KIF16B: variants seen among roughly 807,000 people sequenced by gnomAD.
KIF16B encodes kinesin-like protein KIF16B.
KIF16B carries 98 observed loss-of-function variants against 156.3 expected under a neutral mutation model. The observed-to-expected ratio is 0.63, with a 90% CI of 0.53 to 0.74. The LOEUF (loss-of-function observed/expected upper bound fraction) is 0.74. KIF16B is among the 30% of genes least tolerant of loss of function. The pLI is 0.00. For synonymous variants in KIF16B, 564 were observed against 583.7 expected, an observed-to-expected ratio of 0.97 and a Z score of 0.49; for missense variants, 1,421 against 1,606.5, an observed-to-expected ratio of 0.88 and a Z score of 1.97.
chr20:16,481,794 G>C (rs1399310346), intron 12 of KIF16B, among the ~76,000 whole-genome samples: 2 of 152,180 alleles, frequency 1.3e-5, no homozygotes, highest in African/African-American at 4.8e-5. Context: ...ACTTAGGAAG[G>C]CTGGTTTTAG....
intron 9 of KIF16B, 147 bp downstream of exon 9, chr20:16,505,575 G>C (rs2068749759): frequency 1.5e-6 from 1 of 668,230 alleles, no homozygotes; most frequent in African/African-American, 1.8e-5. Context: ...CAGGATCATA[G>C]GAGGTGATTT....
At chr20:16,341,730 C>T (rs2064142604) in intron 23 of KIF16B, among the ~76,000 whole-genome samples, 1 of 152,210 alleles carries the variant, frequency 6.6e-6, no homozygotes, top group African/African-American at 2.4e-5. Flanking sequence ...GGGCTGGGGC[C>T]CAGCAGTCTG....
rs577162345 is a variant in KIF16B at position 16,295,752 on chromosome 20, G to A, written c.3795+16583C>T. On this transcript the variant is annotated intron_variant, in intron 25 of 25. Coordinates refer to ENST00000354981, the MANE Select transcript of KIF16B (RefSeq NM_024704.5). ...CCATCCATTTATTTACACACAGGAC[G>A]AGGAGTGTACTGAAGAAGAGGAGAA... is the stretch of plus-strand genomic sequence containing the variant. Among the ~76,000 whole-genome samples, 74 of 152,280 alleles carry A rather than the reference G, an allele frequency of 4.9e-4. 1 individual carries two copies. The highest frequency in any genetic ancestry group is 1.5e-3 in the African/African-American group (62 of 41,546).
chr20:16,443,442 T>G (rs6135756), intron 12 of KIF16B, among the ~76,000 whole-genome samples: 15,435 of 152,206 alleles, frequency 0.1, 923 homozygotes, highest in East Asian at 0.28. Context: ...TAAAACCATC[T>G]GCCACTCAAG....
rs138863260 is a variant in KIF16B at position 16,464,611 on chromosome 20, T to C, written c.1302+29680A>G. ...TATAAACAGTCAAGGCGGTACACAG[T>C]TTTGCAAAATTCCTATAGCAAATAT... On this transcript the variant is annotated intron_variant, in intron 12 of 25. Coordinates refer to ENST00000354981, the MANE Select transcript of KIF16B (RefSeq NM_024704.5). Among the ~76,000 whole-genome samples, 579 of 152,248 alleles carry C rather than the reference T, an allele frequency of 3.8e-3. 5 individuals carry two copies. The highest frequency in any genetic ancestry group is 0.013 in the African/African-American group (546 of 41,570).
chr20:16,540,771 T>C (rs2070165234), intron 1 of KIF16B, among the ~76,000 whole-genome samples: 1 of 152,222 alleles, frequency 6.6e-6, no homozygotes, highest in Non-Finnish European at 1.5e-5. Context: ...TTTCCTCTTG[T>C]ATTAGGTTCC....
Position 16,428,943 on chromosome 20 carries a change from A to ATAGG in KIF16B, c.1474+9_1474+10insCCTA. On this transcript the variant is annotated intron_variant, in intron 14 of 25. Coordinates refer to ENST00000354981, the MANE Select transcript of KIF16B (RefSeq NM_024704.5). ...ATCATTGGGAACAGATCACTGATAAATATGCTCACCAATATCTTGCTCCGT... is the reference window on the plus strand; with the variant it reads ...ATCATTGGGAACAGATCACTGATAAATAGGTATGCTCACCAATATCTTGCTCCGT... 1.2e-6 allele frequency: 2 copies of ATAGG among 1,611,630 alleles called. No homozygotes were observed. Among genetic ancestry groups the ATAGG allele is most frequent in the Non-Finnish European group, 1.7e-6 (2 of 1,177,870 alleles).
chr20:16,355,434 T>C (rs1368300009), intron 23 of KIF16B, among the ~76,000 whole-genome samples: 1 of 152,176 alleles, frequency 6.6e-6, no homozygotes, highest in Non-Finnish European at 1.5e-5. Context: ...CTCAGCAAAT[T>C]GCAGCGGGGT....
intron 25 of KIF16B, among the ~76,000 whole-genome samples, chr20:16,276,142 A>C (rs1041281202): frequency 2.6e-5 from 4 of 152,242 alleles, no homozygotes; most frequent in Non-Finnish European, 5.9e-5. Flanking sequence ...AGCTGACTTC[A>C]AGATGAACTC....
At position 16,573,173 on chromosome 20, in the gene KIF16B, G is replaced by T. The variant is rs1168689050; in HGVS notation, c.47+56C>A. Reference sequence around the variant, plus strand: ...GCTGGCTTTGGGGGAGCTGGAAACAGGCTTCCTCTGGGTGGGGGCGCGACG... The same window carrying T: ...GCTGGCTTTGGGGGAGCTGGAAACATGCTTCCTCTGGGTGGGGGCGCGACG... On this transcript the variant is annotated intron_variant, in intron 1 of 25. Coordinates refer to ENST00000354981, the MANE Select transcript of KIF16B (RefSeq NM_024704.5). 9 of 1,488,940 alleles carry T rather than the reference G, an allele frequency of 6.0e-6. No individual in the cohort carries two copies. The South Asian group carries it at 1.1e-4, about 18-fold the overall frequency. 92.2% of individuals were successfully genotyped at this position (1,488,940 alleles called of 1,614,324 possible). A position where few individuals can be genotyped will look rare whatever the true frequency, so the allele number is the denominator to read the frequency against.
At chr20:16,486,048 C>T (rs1024595549) in intron 12 of KIF16B, among the ~76,000 whole-genome samples, 3 of 152,086 alleles carry the variant, frequency 2.0e-5, no homozygotes, top group Non-Finnish European at 2.9e-5. Flanking sequence ...TCTGATATTG[C>T]TTTATCAACA....
chr20:16,466,571 G>C (rs2146716721), intron 12 of KIF16B, among the ~76,000 whole-genome samples: 1 of 152,344 alleles, frequency 6.6e-6, no homozygotes, highest in South Asian at 2.1e-4. Flanking sequence ...TCTCTTGCCT[G>C]CTGCCATGTA....
chr20:16,373,363 A>G (rs186293530), intron 20 of KIF16B, among the ~76,000 whole-genome samples: 95 of 152,334 alleles, frequency 6.2e-4, no homozygotes, highest in African/African-American at 2.2e-3. Flanking sequence ...CCTAATATCT[A>G]GGGTTCAAGA....
At chr20:16,333,493 A>T (rs1170515726) in intron 24 of KIF16B, among the ~76,000 whole-genome samples, 1 of 152,196 alleles carries the variant, frequency 6.6e-6, no homozygotes, top group Non-Finnish European at 1.5e-5. Flanking sequence ...CTCAATACAG[A>T]TGAGTGAATT....
chr20:16,369,778 A>G (rs1225976156), intron 22 of KIF16B, among the ~76,000 whole-genome samples: 4 of 152,242 alleles, frequency 2.6e-5, no homozygotes. Context: ...GAACATTAAC[A>G]GTAATTATCA....
chr20:16,432,796 A>G (rs1241296187), intron 12 of KIF16B, among the ~76,000 whole-genome samples: 1 of 152,206 alleles, frequency 6.6e-6, no homozygotes, highest in East Asian at 1.9e-4. Flanking sequence ...ATGTGAAAGA[A>G]AGCAATTTAA....
At chr20:16,436,330 C>T (rs1004188039) in intron 12 of KIF16B, among the ~76,000 whole-genome samples, 1 of 152,086 alleles carries the variant, frequency 6.6e-6, no homozygotes, top group Non-Finnish European at 1.5e-5. Context: ...CCTGAGGCAC[C>T]ACAGGCTTTG....
At chr20:16,347,792 C>T (rs115085716) in intron 23 of KIF16B, among the ~76,000 whole-genome samples, 2,885 of 152,312 alleles carry the variant, frequency 0.019, 84 homozygotes, top group African/African-American at 0.066. Context: ...TGCTAATACA[C>T]GTGCAGGGAG....
chr20:16,490,667 C>T (rs2068262674), intron 12 of KIF16B, among the ~76,000 whole-genome samples: 1 of 152,144 alleles, frequency 6.6e-6, no homozygotes, highest in Non-Finnish European at 1.5e-5. Context: ...CATCTGCAAG[C>T]CAAGGATGGG....
Sources: gnomAD v4.1 joint callset for allele counts (sites outside exome capture counted in the v4.1 genomes callset) on GRCh38, gnomAD v4.1.1 for gene constraint, MANE v1.5 for transcripts, NCBI Gene and HGNC (gene_info 2026-07-23, HGNC 2026-07-21) for gene names.